SFT2D1: variants seen among roughly 807,000 people sequenced by gnomAD.
The protein encoded by SFT2D1 is SFT2 domain containing 1.
SFT2D1 carries 24 observed loss-of-function variants against 28.1 expected under a neutral mutation model. The ratio of observed to expected loss-of-function variants is 0.85; its 90% confidence interval spans 0.62 to 1.20. The LOEUF is 1.20. Ranked by LOEUF, SFT2D1 falls within the 50% of genes most tolerant of loss-of-function variation. The pLI is 0.00. For missense variants in SFT2D1, 181 were observed against 190.9 expected (o/e 0.95, Z 0.31); for synonymous variants, 82 against 73.7 (o/e 1.11, Z -0.58).
chr6:166,336,820 T>C (rs116161320), intron 1 of SFT2D1, among the ~76,000 whole-genome samples: 6,218 of 152,294 alleles, frequency 0.041, 408 homozygotes, highest in African/African-American at 0.14. Flanking sequence ...TCCTCCTGCC[T>C]CAGGCTTCCA....
intron 7 of SFT2D1, 44 bp from the exon 8 acceptor site, chr6:166,320,300 A>G: frequency 6.4e-7 from 1 of 1,556,280 alleles, no homozygotes; most frequent in Non-Finnish European, 8.8e-7. Flanking sequence ...AATATTCCTC[A>G]AAAGCAAAGT....
chr6:166,323,184 T>C (rs549365812), intron 6 of SFT2D1: 1 of 289,034 alleles, frequency 3.5e-6, no homozygotes, highest in South Asian at 1.4e-4. Flanking sequence ...TATAATAAAA[T>C]AGAAACTGTA....
intron 1 of SFT2D1, among the ~76,000 whole-genome samples, chr6:166,338,351 A>T (rs4709112): frequency 9.9e-5 from 15 of 152,072 alleles, no homozygotes; most frequent in African/African-American, 2.9e-4. Flanking sequence ...GCTATTAGAC[A>T]CCAGGTACTT....
rs138840473 is a variant in SFT2D1 at position 166,321,265 on chromosome 6, G to T, written c.441-1009C>A. On this transcript the variant is annotated intron_variant, in intron 7 of 7. Transcript: ENST00000361731. ...ATTCATTAAAAAAGCTTTTACCTAGGCCATAAAAAATATCCACTAATAAAA... is the reference window on the plus strand; with the variant it reads ...ATTCATTAAAAAAGCTTTTACCTAGTCCATAAAAAATATCCACTAATAAAA... Among the ~76,000 whole-genome samples the T allele has an allele frequency of 2.7e-4, 41 of 152,156 alleles. 1 individual carries two copies. In the East Asian group the frequency reaches 7.9e-3, roughly 29 times the overall value.
At chr6:166,322,999 G>T in intron 6 of SFT2D1, 113 bp from the exon 7 acceptor site, 1 of 815,396 alleles carries the variant, frequency 1.2e-6, no homozygotes, top group Non-Finnish European at 2.0e-6. Context: ...CTGTACAGTG[G>T]TTCTCAAAGT....
chr6:166,322,715 T>C (rs1583033203), intron 7 of SFT2D1, 142 bp downstream of exon 7: 3 of 606,424 alleles, frequency 4.9e-6, no homozygotes, highest in Non-Finnish European at 8.3e-6. Flanking sequence ...AAAAAAAGTA[T>C]GTTTATTTCC....
chr6:166,324,644 C>T (rs1778412364), intron 5 of SFT2D1, 49 bp from the exon 6 acceptor site: 2 of 1,533,450 alleles, frequency 1.3e-6, no homozygotes, highest in Non-Finnish European at 8.9e-7. Context: ...GTTTTAAAAA[C>T]ATCTTTCTCA....
chr6:166,323,217 C>T (rs1174567830), intron 6 of SFT2D1: 2 of 230,718 alleles, frequency 8.7e-6, no homozygotes, highest in Admixed American at 5.6e-5. Flanking sequence ...ATTATAGTCT[C>T]CTTTAGGGAT....
intron 1 of SFT2D1, among the ~76,000 whole-genome samples, chr6:166,337,790 A>C (rs1463015544): frequency 6.6e-6 from 1 of 152,222 alleles, no homozygotes; most frequent in Non-Finnish European, 1.5e-5. Context: ...TCAGTCAACA[A>C]GCAAATGACT....
chr6:166,324,470 T>C, intron 6 of SFT2D1, 67 bp downstream of exon 6: 1 of 1,492,746 alleles, frequency 6.7e-7, no homozygotes, highest in Non-Finnish European at 9.2e-7. Flanking sequence ...GCTTCACAGG[T>C]CCCAAACAAA....
At chr6:166,342,384 AG>A in intron 1 of SFT2D1, 34 bp downstream of exon 1, 1 of 1,531,858 alleles carries the variant, frequency 6.5e-7, no homozygotes, top group South Asian at 1.2e-5. Context: ...GCCAGCGGGC[AG>A]CCCCGGGACT....
At chr6:166,331,778 C>T (rs1200664605) in intron 1 of SFT2D1, among the ~76,000 whole-genome samples, 2 of 152,132 alleles carry the variant, frequency 1.3e-5, no homozygotes, top group Non-Finnish European at 2.9e-5. Context: ...ACGCTGTACA[C>T]AATAAATGTA....
intron 1 of SFT2D1, chr6:166,335,252 G>C: frequency 1.7e-6 from 1 of 589,338 alleles, no homozygotes; most frequent in South Asian, 1.4e-5. Context: ...GGTCATGATG[G>C]CTTTGGTGGC....
intron 1 of SFT2D1, among the ~76,000 whole-genome samples, chr6:166,332,870 T>C (rs541303800): frequency 3.0e-4 from 46 of 152,300 alleles, no homozygotes; most frequent in African/African-American, 1.1e-3. Context: ...GAGGAAAATG[T>C]AGTCCTAGCA....
chr6:166,334,245 G>C (rs1386453573), intron 1 of SFT2D1, among the ~76,000 whole-genome samples: 1 of 152,198 alleles, frequency 6.6e-6, no homozygotes, highest in African/African-American at 2.4e-5. Flanking sequence ...CCTGTTCTAA[G>C]TGCTGGGTAA....
At chr6:166,332,507 G>A (rs1172432509) in intron 1 of SFT2D1, among the ~76,000 whole-genome samples, 1 of 152,086 alleles carries the variant, frequency 6.6e-6, no homozygotes, top group Non-Finnish European at 1.5e-5. Flanking sequence ...CACCCGCCTC[G>A]GTCTCCCAAA....
rs202112052 is a variant in SFT2D1 at position 166,320,191 on chromosome 6, T to C, written c.*26A>G. ...CAAACATAGAGTACCAACATTCAAG[T>C]GCTCTTTTCCACAAGTTTCTGATTT... On this transcript the variant is annotated 3_prime_UTR_variant, in exon 8 of 8. Transcript: ENST00000361731. 54 of 1,607,510 alleles carry C rather than the reference T, an allele frequency of 3.4e-5. 1 individual carries two copies. The Admixed American group carries it at 7.1e-4, about 21-fold the overall frequency.
At chr6:166,330,010 G>A in intron 2 of SFT2D1, 151 bp downstream of exon 2, 1 of 518,696 alleles carries the variant, frequency 1.9e-6, no homozygotes, top group Admixed American at 3.9e-5. Flanking sequence ...TATTTTCATT[G>A]ATCTCTACCC....
At chr6:166,325,350 T>G (rs887319812) in intron 5 of SFT2D1, among the ~76,000 whole-genome samples, 1 of 152,194 alleles carries the variant, frequency 6.6e-6, no homozygotes, top group African/African-American at 2.4e-5. Context: ...GGACTTTTCT[T>G]GTTGATAGTT....
Sources: allele counts gnomAD v4.1 joint callset (sites outside exome capture counted in the v4.1 genomes callset), GRCh38; gene constraint gnomAD v4.1.1; transcripts MANE v1.5; gene names NCBI Gene and HGNC (gene_info 2026-07-23, HGNC 2026-07-21).